The following GRIP1 variants were observed in gnomAD, a reference collection of about 807,000 sequenced individuals.
GRIP1 encodes the protein glutamate receptor interacting protein 1.
In GRIP1, 45 loss-of-function variants were observed where a neutral mutation model predicts 129.9. The ratio of observed to expected loss-of-function variants is 0.35; its 90% CI spans 0.27 to 0.44. The LOEUF is 0.44. Among genes scored for constraint, GRIP1 ranks in the 20% least tolerant of loss-of-function variants. The pLI is 1.00. For missense variants in GRIP1, 1,196 were observed against 1,396.8 expected, an observed-to-expected ratio of 0.86 and a Z score of 2.29; for synonymous variants, 530 against 520.8, an observed-to-expected ratio of 1.02 and a Z score of -0.24.
At chr12:66,925,893 C>G (rs1030686675) in intron 1 of GRIP1, among the ~76,000 whole-genome samples, 1 of 152,214 alleles carries the variant, frequency 6.6e-6, no homozygotes, top group Non-Finnish European at 1.5e-5. Flanking sequence ...ATCCACCCAC[C>G]CCGGCCTTCC....
rs1422229463 is a variant in GRIP1, at chr12:66,678,910, C to T, written c.-6G>A. ...TTAAAAGAGACAGCTATCATTCTTGCTCACTGCTTTCTGTGGCAAAGTGTA... is the reference window on the plus strand; with the variant it reads ...TTAAAAGAGACAGCTATCATTCTTGTTCACTGCTTTCTGTGGCAAAGTGTA... On this transcript the variant is annotated 5_prime_UTR_variant, in exon 1 of 25. Transcript: ENST00000359742. 6.2e-7 allele frequency: 1 copy of T among 1,613,376 alleles called. No individual in the cohort carries two copies. The highest frequency in any genetic ancestry group is 1.1e-5 in the South Asian group (1 of 91,078).
chr12:66,705,810 A>G (rs1029493284), intron 1 of GRIP1, among the ~76,000 whole-genome samples: 1 of 152,160 alleles, frequency 6.6e-6, no homozygotes, highest in African/African-American at 2.4e-5. Context: ...AAGGGAAAGG[A>G]TCTCCTATTC....
chr12:66,991,558 CCAT>C (rs2042394796), intron 1 of GRIP1, among the ~76,000 whole-genome samples: 1 of 152,192 alleles, frequency 6.6e-6, no homozygotes, highest in Non-Finnish European at 1.5e-5. Context: ...CTGCAAACAT[CCAT>C]CATTTCTGAG....
chr12:66,783,362 T>G (rs570770344), intron 1 of GRIP1, among the ~76,000 whole-genome samples: 1 of 152,216 alleles, frequency 6.6e-6, no homozygotes, highest in South Asian at 2.1e-4. Flanking sequence ...TATAATGTCA[T>G]GGGGAAAAAA....
chr12:66,591,084 C>T (rs1389150042), intron 2 of GRIP1, among the ~76,000 whole-genome samples: 1 of 152,020 alleles, frequency 6.6e-6, no homozygotes, highest in East Asian at 1.9e-4. Context: ...AGAGGACCTG[C>T]CCTCCTGTAG....
intron 1 of GRIP1, among the ~76,000 whole-genome samples, chr12:66,653,685 G>A (rs1338676900): frequency 1.3e-5 from 2 of 152,180 alleles, no homozygotes; most frequent in Non-Finnish European, 2.9e-5. Context: ...CCACACCCAA[G>A]ATAATCGACT....
At chr12:66,415,657 C>T (rs2057572579) in intron 15 of GRIP1, among the ~76,000 whole-genome samples, 1 of 152,108 alleles carries the variant, frequency 6.6e-6, no homozygotes, top group African/African-American at 2.4e-5. Flanking sequence ...ATAGCAAATA[C>T]ATGGGATCAA....
At chr12:66,691,635 G>C (rs2034985040) in intron 1 of GRIP1, among the ~76,000 whole-genome samples, 1 of 152,178 alleles carries the variant, frequency 6.6e-6, no homozygotes, top group South Asian at 2.1e-4. Flanking sequence ...CTAAGTCCCA[G>C]TGGTGAATGA....
intron 2 of GRIP1, among the ~76,000 whole-genome samples, chr12:66,556,526 AC>A (rs2139359559): frequency 6.6e-6 from 1 of 152,252 alleles, no homozygotes; most frequent in South Asian, 2.1e-4. Context: ...CAAGAAAAAC[AC>A]AGTATAACAC....
chr12:66,563,813 A>G (rs545192321), intron 2 of GRIP1: 1 of 152,332 alleles, frequency 6.6e-6, no homozygotes, highest in African/African-American at 2.4e-5. Flanking sequence ...ATTGTAAAAA[A>G]TAAAAAAACA....
chr12:66,941,563 C>A (rs1192727660), intron 1 of GRIP1, among the ~76,000 whole-genome samples: 2 of 152,162 alleles, frequency 1.3e-5, no homozygotes, highest in Non-Finnish European at 2.9e-5. Context: ...AAAGCTTTTT[C>A]TACTTCAAAG....
At chr12:66,804,164 C>T (rs1174275647) in exon 1 of GRIP1, 1 of 455,758 alleles carries the variant, frequency 2.2e-6, no homozygotes, top group Non-Finnish European at 4.4e-6. Flanking sequence ...ATCGCCTTGA[C>T]AAAACCCAGG....
chr12:66,967,560 A>G (rs539830225), intron 1 of GRIP1, among the ~76,000 whole-genome samples: 3 of 152,254 alleles, frequency 2.0e-5, no homozygotes, highest in East Asian at 3.9e-4. Context: ...AAATTTTTCA[A>G]GTGCCTGGGT....
intron 1 of GRIP1, among the ~76,000 whole-genome samples, chr12:66,925,914 G>T (rs1341183250): frequency 6.6e-6 from 1 of 152,142 alleles, no homozygotes; most frequent in Non-Finnish European, 1.5e-5. Flanking sequence ...AAAGTGCTGG[G>T]ATTATAGGCG....
At chr12:66,501,043 C>A (rs1357009391) in intron 7 of GRIP1, among the ~76,000 whole-genome samples, 1 of 152,172 alleles carries the variant, frequency 6.6e-6, no homozygotes, top group Admixed American at 6.5e-5. Flanking sequence ...GGTTGTGAAA[C>A]CTGTGTCACA....
chr12:66,821,088 G>A (rs117921706), intron 1 of GRIP1, among the ~76,000 whole-genome samples: 5 of 152,294 alleles, frequency 3.3e-5, no homozygotes, highest in Admixed American at 2.0e-4. Flanking sequence ...AATGGAGAAT[G>A]TTGTATATCT....
chr12:66,831,865 A>G (rs2039525020), intron 1 of GRIP1, among the ~76,000 whole-genome samples: 1 of 151,636 alleles, frequency 6.6e-6, no homozygotes, highest in Non-Finnish European at 1.5e-5. Context: ...GTAAAAACTA[A>G]TTGAGTTACA....
chr12:66,805,190 A>G (rs1471530283), upstream of GRIP1, among the ~76,000 whole-genome samples: 1 of 152,210 alleles, frequency 6.6e-6, no homozygotes, highest in African/African-American at 2.4e-5. Flanking sequence ...GCTAAACAGC[A>G]AACAAAACTT....
At chr12:66,920,085 T>C (rs1193799193) in intron 1 of GRIP1, among the ~76,000 whole-genome samples, 1 of 152,182 alleles carries the variant, frequency 6.6e-6, no homozygotes, top group Non-Finnish European at 1.5e-5. Context: ...TTAATAAATT[T>C]AGTTTTGGCA....
Sources: gnomAD v4.1 joint callset for allele counts (sites outside exome capture counted in the v4.1 genomes callset) on GRCh38, gnomAD v4.1.1 for gene constraint, MANE v1.5 for transcripts, NCBI Gene and HGNC (gene_info 2026-07-23, HGNC 2026-07-21) for gene names.